Variants in CDKL2 observed in about 807,000 individuals in gnomAD.
The protein encoded by CDKL2 is cyclin-dependent kinase-like 2.
Under a neutral mutation model 63.9 loss-of-function variants are expected in CDKL2, and 64 were observed. The observed-to-expected ratio is 1.00, with a 90% CI of 0.82 to 1.23. The LOEUF (loss-of-function observed/expected upper bound fraction) is 1.23. Ranked by LOEUF, CDKL2 falls within the 50% of genes most tolerant of loss-of-function variation. CDKL2 has a pLI of 0.00. For missense variants in CDKL2, 656 were observed against 668.0 expected (o/e 0.98, Z 0.20); for synonymous variants, 211 against 229.2 (o/e 0.92, Z 0.72).
At chr4:75,602,202 A>T (rs1453949562) in intron 6 of CDKL2, among the ~76,000 whole-genome samples, 1 of 151,512 alleles carries the variant, frequency 6.6e-6, no homozygotes, top group African/African-American at 2.4e-5. Context: ...TTTTTTTGAC[A>T]TGGAGTCTCG....
At chr4:75,614,490 C>T in intron 2 of CDKL2, 41 bp from the exon 3 acceptor site, 2 of 1,272,844 alleles carry the variant, frequency 1.6e-6, no homozygotes, top group South Asian at 1.5e-5. Flanking sequence ...TTTAAAAATG[C>T]AAAATAGTTT....
At chr4:75,607,887 A>G (rs893877631) in intron 3 of CDKL2, among the ~76,000 whole-genome samples, 2 of 152,146 alleles carry the variant, frequency 1.3e-5, no homozygotes, top group African/African-American at 4.8e-5. Flanking sequence ...ATCTCGGCTC[A>G]CTGCAAGCTC....
chr4:75,617,938 T>C (rs1334525146), intron 2 of CDKL2, among the ~76,000 whole-genome samples: 1 of 151,916 alleles, frequency 6.6e-6, no homozygotes, highest in African/African-American at 2.4e-5. Context: ...CTGTCTCTAC[T>C]GAAAATACAA....
At chr4:75,616,488 C>G (rs1729930495) in intron 2 of CDKL2, among the ~76,000 whole-genome samples, 1 of 151,808 alleles carries the variant, frequency 6.6e-6, no homozygotes, top group African/African-American at 2.4e-5. Flanking sequence ...CATGGCAAAA[C>G]CCCATCTCTA....
intron 4 of CDKL2, 123 bp downstream of exon 4, chr4:75,607,060 T>C: frequency 2.9e-6 from 2 of 699,592 alleles, no homozygotes; most frequent in South Asian, 3.0e-5. Context: ...TTACTTTATA[T>C]AGTCCCTGAA....
chr4:75,594,903 T>G (rs1214561114), intron 10 of CDKL2, among the ~76,000 whole-genome samples: 1 of 152,144 alleles, frequency 6.6e-6, no homozygotes, highest in African/African-American at 2.4e-5. Flanking sequence ...CAGGCACTTA[T>G]AGACCCTATA....
chr4:75,584,004 A>G (rs995147356), intron 12 of CDKL2, among the ~76,000 whole-genome samples: 2 of 152,234 alleles, frequency 1.3e-5, no homozygotes, highest in East Asian at 1.9e-4. Context: ...CAGGATTGTA[A>G]AGCTATGCCC....
rs1490771802 is a variant in CDKL2, at chr4:75,578,301, A to G, written c.*901T>C. ...GGGGACAAAAGTGGAGTCCATAATA[A>G]TGAACGTTCTCTCCCCAAACCCTCT... On this transcript the variant is annotated 3_prime_UTR_variant, in exon 14 of 14. Transcript: ENST00000307465. The G allele has an allele frequency of 6.6e-6, 1 of 152,158 alleles. No individual in the cohort carries two copies. The highest frequency in any genetic ancestry group is 1.5e-5 in the Non-Finnish European group (1 of 68,048). The allele number at this position is 152,158 out of a possible 1,614,324, so 9.4% of individuals were successfully genotyped here. A position where few individuals can be genotyped will look rare whatever the true frequency, so the allele number is the denominator to read the frequency against.
chr4:75,612,698 T>C (rs1729754007), intron 3 of CDKL2, among the ~76,000 whole-genome samples: 2 of 152,266 alleles, frequency 1.3e-5, no homozygotes, highest in Non-Finnish European at 2.9e-5. Flanking sequence ...ATTATTGTTA[T>C]TCTACTTTAT....
At chr4:75,589,685 A>G (rs1578318656) in intron 12 of CDKL2, among the ~76,000 whole-genome samples, 1 of 152,210 alleles carries the variant, frequency 6.6e-6, no homozygotes, top group Non-Finnish European at 1.5e-5. Flanking sequence ...GTGAAACTGT[A>G]TATTCACACA....
At chr4:75,620,767 C>T (rs1389044124) in intron 2 of CDKL2, among the ~76,000 whole-genome samples, 1 of 152,064 alleles carries the variant, frequency 6.6e-6, no homozygotes, top group African/African-American at 2.4e-5. Context: ...GATTGACGTT[C>T]AGGGGCCGTG....
At chr4:75,589,078 C>G (rs898170055) in intron 12 of CDKL2, among the ~76,000 whole-genome samples, 3 of 152,138 alleles carry the variant, frequency 2.0e-5, no homozygotes, top group African/African-American at 7.2e-5. Flanking sequence ...ATATACAGCT[C>G]TCTCATGTGC....
intron 10 of CDKL2, among the ~76,000 whole-genome samples, chr4:75,594,314 G>A (rs1578322745): frequency 6.6e-6 from 1 of 152,170 alleles, no homozygotes; most frequent in East Asian, 1.9e-4. Context: ...TGGGTGTGGT[G>A]GCAGGTGCCT....
intron 10 of CDKL2, among the ~76,000 whole-genome samples, chr4:75,592,601 C>T (rs1361611438): frequency 2.0e-5 from 3 of 152,152 alleles, no homozygotes; most frequent in Admixed American, 6.5e-5. Context: ...CCAGCAAGGT[C>T]GGGCCTTACA....
At chr4:75,603,061 A>G (rs1328671974) in intron 6 of CDKL2, among the ~76,000 whole-genome samples, 13 of 133,660 alleles carry the variant, frequency 9.7e-5, no homozygotes, top group Admixed American at 3.6e-4. Context: ...CTGCAGTGGC[A>G]CAATCTCGGC....
chr4:75,586,089 GAATTA>G (rs1253017016), intron 12 of CDKL2, among the ~76,000 whole-genome samples: 1 of 151,976 alleles, frequency 6.6e-6, no homozygotes, highest in Non-Finnish European at 1.5e-5. Flanking sequence ...GACTACAATG[GAATTA>G]AATTACAAAT....
At chr4:75,598,950 T>C (rs866337402) in intron 7 of CDKL2, among the ~76,000 whole-genome samples, 1 of 152,176 alleles carries the variant, frequency 6.6e-6, no homozygotes, top group Non-Finnish European at 1.5e-5. Flanking sequence ...ATGATAAAAT[T>C]CAAAATTTTA....
intron 2 of CDKL2, among the ~76,000 whole-genome samples, chr4:75,625,313 C>T (rs1730350639): frequency 6.6e-6 from 1 of 151,940 alleles, no homozygotes; most frequent in Admixed American, 6.6e-5. Flanking sequence ...AGAAAATGTC[C>T]ATGATTGGAA....
intron 6 of CDKL2, among the ~76,000 whole-genome samples, chr4:75,603,568 A>G (rs1729292539): frequency 6.6e-6 from 1 of 151,372 alleles, no homozygotes; most frequent in Non-Finnish European, 1.5e-5. Flanking sequence ...GTTTCTACTA[A>G]AAATACAAAA....
Sources: gnomAD v4.1 joint callset for allele counts (sites outside exome capture counted in the v4.1 genomes callset) on GRCh38, gnomAD v4.1.1 for gene constraint, MANE v1.5 for transcripts, NCBI Gene and HGNC (gene_info 2026-07-23, HGNC 2026-07-21) for gene names.